Variants in NDUFA10 observed in about 807,000 individuals in gnomAD.
NDUFA10 encodes the protein NADH dehydrogenase [ubiquinone] 1 alpha subcomplex subunit 10, mitochondrial.
Under a neutral mutation model 47.8 loss-of-function variants are expected in NDUFA10, and 40 were observed. That is an observed-to-expected ratio of 0.84 (90% CI 0.65 to 1.09). The LOEUF is 1.09. Among genes scored for constraint, NDUFA10 ranks in the 50% least tolerant of loss-of-function variants. The pLI is 0.00. For synonymous variants in NDUFA10, 183 were observed against 172.2 expected (o/e 1.06, Z -0.49); for missense variants, 413 against 451.1 (o/e 0.92, Z 0.76).
chr2:239,972,296 G>C (rs923015963), intron 9 of NDUFA10, among the ~76,000 whole-genome samples: 3 of 151,986 alleles, frequency 2.0e-5, no homozygotes, highest in Non-Finnish European at 2.9e-5. Flanking sequence ...AAAAACGATT[G>C]AGTGAGGGCC....
intron 4 of NDUFA10, among the ~76,000 whole-genome samples, chr2:239,910,708 C>G (rs28429725): frequency 3.3e-5 from 5 of 151,986 alleles, no homozygotes; most frequent in African/African-American, 9.7e-5. Flanking sequence ...CCTGTACCCC[C>G]GAACTCAAAA....
chr2:239,939,216 C>G (rs1694319192), intron 4 of NDUFA10, among the ~76,000 whole-genome samples: 1 of 152,242 alleles, frequency 6.6e-6, no homozygotes, highest in Non-Finnish European at 1.5e-5. Context: ...GCCTGGGGGT[C>G]TGTCGGGTTC....
chr2:240,019,357 A>G (rs1008299178), intron 3 of NDUFA10, among the ~76,000 whole-genome samples: 1 of 152,242 alleles, frequency 6.6e-6, no homozygotes, highest in Non-Finnish European at 1.5e-5. Context: ...ACCCAGTTCC[A>G]ATTTGCCCCA....
intron 9 of NDUFA10, among the ~76,000 whole-genome samples, chr2:239,975,916 C>T (rs575996040): frequency 6.6e-6 from 1 of 152,314 alleles, no homozygotes; most frequent in African/African-American, 2.4e-5. Context: ...AGCCACAGCA[C>T]CAGCCAGGAA....
chr2:239,963,404 C>G (rs1432535454), intron 9 of NDUFA10, among the ~76,000 whole-genome samples: 1 of 152,140 alleles, frequency 6.6e-6, no homozygotes, highest in Non-Finnish European at 1.5e-5. Context: ...GCAGGAAGAC[C>G]GCAAGAGAGG....
chr2:239,967,925 T>C (rs879162152), intron 9 of NDUFA10, among the ~76,000 whole-genome samples: 2 of 151,560 alleles, frequency 1.3e-5, no homozygotes, highest in East Asian at 1.9e-4. Flanking sequence ...ACATGCCCTA[T>C]ATAGTGCTTC....
intron 9 of NDUFA10, among the ~76,000 whole-genome samples, chr2:239,984,441 C>T (rs1267586318): frequency 6.6e-6 from 1 of 152,162 alleles, no homozygotes; most frequent in Non-Finnish European, 1.5e-5. Flanking sequence ...ATTTAAAAAT[C>T]GGATTTTCCC....
intron 4 of NDUFA10, among the ~76,000 whole-genome samples, chr2:239,899,465 A>G (rs1437176765): frequency 4.8e-5 from 6 of 125,176 alleles, no homozygotes; most frequent in African/African-American, 1.6e-4. Flanking sequence ...GAGGGGTGTG[A>G]CGGAGGGGTG....
chr2:239,934,588 T>G (rs1037632374), intron 4 of NDUFA10, among the ~76,000 whole-genome samples: 1 of 152,182 alleles, frequency 6.6e-6, no homozygotes, highest in Non-Finnish European at 1.5e-5. Context: ...ATCTTAAACA[T>G]TTATCCCTGT....
At chr2:239,936,915 G>A (rs555051358) in intron 4 of NDUFA10, among the ~76,000 whole-genome samples, 11 of 152,290 alleles carry the variant, frequency 7.2e-5, no homozygotes, top group East Asian at 1.9e-4. Context: ...AGCCACAGTC[G>A]CGCCACTGGA....
intron 6 of NDUFA10, among the ~76,000 whole-genome samples, chr2:240,008,181 A>G (rs1275056699): frequency 6.6e-6 from 1 of 152,194 alleles, no homozygotes; most frequent in African/African-American, 2.4e-5. Context: ...AAAGTCTTCA[A>G]GCTCTACAAT....
chr2:240,025,048 T>C (rs547440597), intron 1 of NDUFA10, among the ~76,000 whole-genome samples, 179 bp downstream of exon 1: 1 of 152,164 alleles, frequency 6.6e-6, no homozygotes, highest in Non-Finnish European at 1.5e-5. Flanking sequence ...CGTGGCCCCC[T>C]GAGGTCTGTC....
intron 4 of NDUFA10, 88 bp downstream of exon 4, chr2:240,018,465 A>G (rs773469831): frequency 1.9e-6 from 3 of 1,611,002 alleles, no homozygotes; most frequent in Non-Finnish European, 2.5e-6. Context: ...ACAGACATTC[A>G]TAAACACAGT....
chr2:239,899,002 A>AGGTGTGATGGAGG (rs1313289707), intron 4 of NDUFA10, among the ~76,000 whole-genome samples: 3 of 52,774 alleles, frequency 5.7e-5, no homozygotes, highest in East Asian at 6.2e-4. Context: ...TGTGATGGAG[A>AGGTGTGATGGAGG]GGTGTGATGG....
intron 4 of NDUFA10, among the ~76,000 whole-genome samples, chr2:239,900,927 C>T (rs1192716316): frequency 4.6e-5 from 7 of 152,300 alleles, no homozygotes; most frequent in East Asian, 3.9e-4. Flanking sequence ...CTGATGGAGA[C>T]GCTGCAGCAA....
Position 239,937,332 on chromosome 2 carries a change from C to G in NDUFA10, c.295-42018G>C, listed in dbSNP as rs543916094. On this transcript the variant is annotated intron_variant, in intron 4 of 5. Coordinates refer to the NDUFA10 transcript ENST00000419408. ...TATGATTTTAGAACATTTCCATCAT[C>G]TGAAAAGGATGCCTCATGCCCATGG... is the stretch of plus-strand genomic sequence containing the variant. Among the ~76,000 whole-genome samples the G allele has an allele frequency of 2.0e-5, 3 of 152,332 alleles. No individual in the cohort carries two copies. The South Asian group carries it at 6.2e-4, about 32-fold the overall frequency.
intron 4 of NDUFA10, chr2:240,017,978 C>A: frequency 7.8e-7 from 1 of 1,278,998 alleles, no homozygotes; most frequent in Non-Finnish European, 1.1e-6. Flanking sequence ...CAGTCCTAGT[C>A]ACAGACACCC....
Position 239,928,340 on chromosome 2 carries a change from A to G in NDUFA10, c.295-33026T>C, listed in dbSNP as rs1574784424. Among the ~76,000 whole-genome samples the G allele has an allele frequency of 6.6e-6, 1 of 152,228 alleles. No individual in the cohort carries two copies. The highest frequency in any genetic ancestry group is 1.9e-4 in the East Asian group (1 of 5,202). On this transcript the variant is annotated intron_variant, in intron 4 of 5. Transcript: ENST00000419408. This position sits in a 1 kb window ranked among gnomAD's most constrained non-coding sequence, Gnocchi z 4.3. ...CATGAATTCCATGAATCATGACTAA[A>G]GAAAAGAAGGCAAAAGACAAGATGA...
At position 240,018,318 on chromosome 2, in the gene NDUFA10, G is replaced by A. The variant is rs1207746498; in HGVS notation, c.547+235C>T. ...AAGCTGCGTGTGTTTGAGGTCCAGGGCTCCAATCTGCTTTCACAGGGAGAC... is the reference window on the plus strand; with the variant it reads ...AAGCTGCGTGTGTTTGAGGTCCAGGACTCCAATCTGCTTTCACAGGGAGAC... On this transcript the variant is annotated intron_variant, in intron 4 of 9. Coordinates refer to ENST00000252711, the MANE Select transcript of NDUFA10 (RefSeq NM_004544.4). 3 of 1,257,936 alleles carry A rather than the reference G, an allele frequency of 2.4e-6. No homozygotes were observed. The East Asian group carries it at 7.6e-5, about 32-fold the overall frequency. The allele number at this position is 1,257,936 out of a possible 1,614,324, so 77.9% of individuals were successfully genotyped here. A position where few individuals can be genotyped will look rare whatever the true frequency, so the allele number is the denominator to read the frequency against.
Sources: allele counts gnomAD v4.1 joint callset (sites outside exome capture counted in the v4.1 genomes callset), GRCh38; gene constraint gnomAD v4.1.1; non-coding constraint Gnocchi (gnomAD v3.1); transcripts MANE v1.5; gene names NCBI Gene and HGNC (gene_info 2026-07-23, HGNC 2026-07-21).